Variants in GALNT17 observed in about 807,000 individuals in gnomAD.
GALNT17 encodes the protein polypeptide N-acetylgalactosaminyltransferase 17.
GALNT17 carries 29 observed loss-of-function variants against 63.7 expected under a neutral mutation model. That is an observed-to-expected ratio of 0.46 (90% confidence interval 0.34 to 0.62). The LOEUF (loss-of-function observed/expected upper bound fraction) is 0.62, where lower values mean the gene tolerates loss of function less well. Ranked by LOEUF, GALNT17 falls within the 20% of genes least tolerant of loss-of-function variation. The probability of loss-of-function intolerance (pLI) is 0.01; values close to 1 mark genes in which losing one functional copy is unlikely to be tolerated. For missense variants in GALNT17, 603 were observed against 799.6 expected (o/e 0.75, Z 2.97); for synonymous variants, 305 against 318.3 (o/e 0.96, Z 0.45).
intron 6 of GALNT17, among the ~76,000 whole-genome samples, chr7:71,647,124 G>A (rs372036876): frequency 5.9e-5 from 9 of 151,858 alleles, no homozygotes; most frequent in African/African-American, 2.2e-4. Context: ...GAGTGCAGTG[G>A]TGCGATCTTG....
At chr7:71,552,010 TTTTATTTATTTATTTATTTATTTATTTA>T (rs202005508) in intron 5 of GALNT17, among the ~76,000 whole-genome samples, 2 of 128,248 alleles carry the variant, frequency 1.6e-5, no homozygotes, top group South Asian at 2.4e-4. Flanking sequence ...AGGTTGCTCT[TTTTATTTATTTATTTATTTATTTATTTA>T]TTTATTTATT....
intron 2 of GALNT17, among the ~76,000 whole-genome samples, chr7:71,340,297 T>C (rs979015521): frequency 1.3e-5 from 2 of 152,264 alleles, no homozygotes; most frequent in Admixed American, 6.5e-5. Context: ...GAACTATAGT[T>C]CATAGAGGTG....
At chr7:71,575,471 G>C (rs1037550411) in intron 6 of GALNT17, among the ~76,000 whole-genome samples, 11 of 151,584 alleles carry the variant, frequency 7.3e-5, no homozygotes, top group Non-Finnish European at 1.5e-4. Context: ...CTCACTGCAG[G>C]CTCCGCCCTC....
At chr7:71,187,463 A>T (rs1462545687) in intron 1 of GALNT17, among the ~76,000 whole-genome samples, 2 of 145,548 alleles carry the variant, frequency 1.4e-5, no homozygotes, top group East Asian at 3.9e-4. Context: ...ATTTCTTCTG[A>T]GTTACGCTCA....
At chr7:71,252,955 T>A (rs543912255) in intron 1 of GALNT17, among the ~76,000 whole-genome samples, 1 of 152,298 alleles carries the variant, frequency 6.6e-6, no homozygotes, top group Non-Finnish European at 1.5e-5. Context: ...AAAGGACAGA[T>A]TTGAAATCAT....
chr7:71,181,848 G>T (rs185999066), intron 1 of GALNT17, among the ~76,000 whole-genome samples: 1 of 149,586 alleles, frequency 6.7e-6, no homozygotes, highest in Admixed American at 6.7e-5. Context: ...TTGCACTCCA[G>T]CCTGGGTGAC....
At chr7:71,330,174 G>A (rs773234827) in intron 1 of GALNT17, among the ~76,000 whole-genome samples, 2 of 151,696 alleles carry the variant, frequency 1.3e-5, no homozygotes, top group African/African-American at 4.8e-5. Flanking sequence ...CACCACACCC[G>A]GTTAATTTTT....
At chr7:71,231,846 T>A (rs541017234) in intron 1 of GALNT17, among the ~76,000 whole-genome samples, 1 of 151,998 alleles carries the variant, frequency 6.6e-6, no homozygotes, top group Non-Finnish European at 1.5e-5. Context: ...GGCCCCACCC[T>A]CATGACACCA....
At chr7:71,280,459 G>A (rs1378657224) in intron 1 of GALNT17, among the ~76,000 whole-genome samples, 1 of 152,118 alleles carries the variant, frequency 6.6e-6, no homozygotes, top group Non-Finnish European at 1.5e-5. Context: ...AGGGGATGAG[G>A]GTAGGCGTGA....
chr7:71,681,783 A>T (rs1791266125), intron 9 of GALNT17, among the ~76,000 whole-genome samples: 1 of 152,210 alleles, frequency 6.6e-6, no homozygotes, highest in Non-Finnish European at 1.5e-5. Flanking sequence ...AAACTGCTCC[A>T]AGGACGTCCA....
At chr7:71,617,170 T>C (rs1169595379) in intron 6 of GALNT17, among the ~76,000 whole-genome samples, 1 of 150,554 alleles carries the variant, frequency 6.6e-6, no homozygotes, top group Non-Finnish European at 1.5e-5. Flanking sequence ...TTTCAACTTT[T>C]ATTTTAGATA....
At chr7:71,300,750 T>G (rs1414991009) in intron 1 of GALNT17, 2 of 233,098 alleles carry the variant, frequency 8.6e-6, no homozygotes, top group Non-Finnish European at 1.7e-5. Flanking sequence ...GCGTCTCCTC[T>G]CAGCTAGGAC....
At chr7:71,337,369 A>G (rs1791926831) in intron 2 of GALNT17, among the ~76,000 whole-genome samples, 1 of 152,160 alleles carries the variant, frequency 6.6e-6, no homozygotes, top group Non-Finnish European at 1.5e-5. Flanking sequence ...CTGAATCCAC[A>G]CTTCTAAAGG....
chr7:71,373,805 G>T (rs1042668789), intron 2 of GALNT17, among the ~76,000 whole-genome samples: 1 of 152,100 alleles, frequency 6.6e-6, no homozygotes, highest in Non-Finnish European at 1.5e-5. Context: ...CCATGAAACC[G>T]GTCCCTGCTG....
intron 1 of GALNT17, among the ~76,000 whole-genome samples, chr7:71,179,107 C>T (rs573551747): frequency 3.7e-4 from 57 of 152,242 alleles, no homozygotes; most frequent in African/African-American, 1.3e-3. Flanking sequence ...CCCCAAAATC[C>T]CTAAGGGAAA....
chr7:71,414,024 C>G (rs568997825), intron 3 of GALNT17, among the ~76,000 whole-genome samples: 1 of 152,056 alleles, frequency 6.6e-6, no homozygotes, highest in African/African-American at 2.4e-5. Flanking sequence ...GGTGGATCAC[C>G]TGAGGCCAGG....
At chr7:71,262,186 A>G (rs1790397132) in intron 1 of GALNT17, among the ~76,000 whole-genome samples, 1 of 152,104 alleles carries the variant, frequency 6.6e-6, no homozygotes, top group Admixed American at 6.6e-5. Flanking sequence ...ATCATAGCTC[A>G]CTGCAGCTTC....
At position 71,335,550 on chromosome 7, in the gene GALNT17, G is replaced by A; in HGVS notation, c.239G>A (p.Gly80Asp). 2 of 1,566,532 alleles carry A rather than the reference G, an allele frequency of 1.3e-6. No homozygotes were observed. Among genetic ancestry groups the A allele is most frequent in the Non-Finnish European group, 1.7e-6 (2 of 1,159,454 alleles). ...TTCTTTTTTCTCCCACTTTTTCTAGGCTTATCCAAATCCCTTGGGCTCATT... is the reference window on the plus strand; with the variant it reads ...TTCTTTTTTCTCCCACTTTTTCTAGACTTATCCAAATCCCTTGGGCTCATT... ...LEDIVYRQLN[G>D]LSKSLGLIEG... The change falls in exon 2 of 11, where the codon GGC (glycine) becomes GAC (aspartate). Residue 80 changes from glycine to aspartate, a missense_variant and splice_region_variant. Coordinates refer to ENST00000333538, the MANE Select transcript of GALNT17 (RefSeq NM_022479.3).
intron 5 of GALNT17, among the ~76,000 whole-genome samples, chr7:71,525,357 GTTTGTT>G (rs1250020274): frequency 6.6e-6 from 1 of 151,812 alleles, no homozygotes; most frequent in Non-Finnish European, 1.5e-5. Flanking sequence ...TAATTTTTTT[GTTTGTT>G]TTTGTTTTTG....
Sources: gnomAD v4.1 joint callset for allele counts (sites outside exome capture counted in the v4.1 genomes callset) on GRCh38, gnomAD v4.1.1 for gene constraint, MANE v1.5 for transcripts, NCBI Gene and HGNC (gene_info 2026-07-23, HGNC 2026-07-21) for gene names.